The following RAB2A variants were observed in gnomAD, a reference collection of about 807,000 sequenced individuals.
RAB2A encodes the protein RAB2A, member RAS oncogene family.
RAB2A carries 7 observed loss-of-function variants against 32.5 expected under a neutral mutation model. The ratio of observed to expected loss-of-function variants is 0.22; its 90% CI spans 0.12 to 0.40. The LOEUF is 0.40. RAB2A is among the 10% of genes least tolerant of loss of function. RAB2A has a pLI of 1.00. For synonymous variants in RAB2A, 79 were observed against 85.2 expected (o/e 0.93, Z 0.40); for missense variants, 108 against 260.7 (o/e 0.41, Z 4.03).
chr8:60,546,451 C>G (rs1266462594), intron 1 of RAB2A, among the ~76,000 whole-genome samples: 1 of 152,114 alleles, frequency 6.6e-6, no homozygotes, highest in African/African-American at 2.4e-5. Context: ...AAACGAGTTG[C>G]TAGATCTCCA....
chr8:60,556,921 GGAT>G (rs1807948468), intron 1 of RAB2A, among the ~76,000 whole-genome samples: 1 of 152,020 alleles, frequency 6.6e-6, no homozygotes, highest in Admixed American at 6.6e-5. Context: ...AAAAAATTGG[GGAT>G]GTTAAATAAT....
chr8:60,612,169 C>T (rs1243317021), intron 6 of RAB2A, among the ~76,000 whole-genome samples: 2 of 152,136 alleles, frequency 1.3e-5, no homozygotes, highest in Non-Finnish European at 2.9e-5. Flanking sequence ...TGATGTTCCC[C>T]TCCCTGTGTC....
chr8:60,552,514 G>C (rs938528312), intron 1 of RAB2A: 1 of 152,074 alleles, frequency 6.6e-6, no homozygotes, highest in African/African-American at 2.4e-5. Flanking sequence ...TGATATGATG[G>C]ATTCATTGTT....
At chr8:60,534,688 A>G (rs909459946) in intron 1 of RAB2A, among the ~76,000 whole-genome samples, 1 of 152,198 alleles carries the variant, frequency 6.6e-6, no homozygotes, top group Non-Finnish European at 1.5e-5. Flanking sequence ...AAAATGTGGC[A>G]GTAAAGGGTT....
chr8:60,556,373 A>G (rs574019066), intron 1 of RAB2A, among the ~76,000 whole-genome samples: 26 of 152,372 alleles, frequency 1.7e-4, no homozygotes, highest in Admixed American at 1.4e-3. Context: ...TGTTACCAAC[A>G]TAACAAAAAA....
In RAB2A at chr8:60,597,461, G is replaced by A. The variant is rs185269164; in HGVS notation, c.474+5492G>A. Among the ~76,000 whole-genome samples, 56 of 152,242 alleles carry A rather than the reference G, an allele frequency of 3.7e-4. 2 individuals are homozygous for A. In the East Asian group the frequency reaches 0.01, roughly 28 times the overall value. On this transcript the variant is annotated intron_variant, in intron 6 of 7. Coordinates refer to ENST00000262646, the MANE Select transcript of RAB2A (RefSeq NM_002865.3). ...CCTGTTGGGGGGTGGGGGCCTAGGG[G>A]AAGGATAGCATTAGGAGAAATACCT...
chr8:60,601,640 T>TTATG (rs1469066279), intron 6 of RAB2A, among the ~76,000 whole-genome samples: 1 of 152,106 alleles, frequency 6.6e-6, no homozygotes, highest in East Asian at 1.9e-4. Flanking sequence ...GCCCAGCATA[T>TTATG]TATGCATAGA....
chr8:60,582,440 C>T (rs967884869), intron 3 of RAB2A, among the ~76,000 whole-genome samples: 5 of 152,198 alleles, frequency 3.3e-5, no homozygotes, highest in African/African-American at 1.2e-4. Flanking sequence ...CAGATGTCCA[C>T]TCAGCTATGT....
chr8:60,605,853 A>ATATATATATAT (rs201989396), intron 6 of RAB2A, among the ~76,000 whole-genome samples: 30 of 115,010 alleles, frequency 2.6e-4, no homozygotes, highest in South Asian at 6.4e-4. Context: ...ATATATATAT[A>ATATATATATAT]ATGCTTCATT....
intron 1 of RAB2A, among the ~76,000 whole-genome samples, chr8:60,521,096 C>G (rs906423335): frequency 1.3e-5 from 2 of 152,220 alleles, no homozygotes; most frequent in African/African-American, 2.4e-5. Flanking sequence ...ATTACAAGCA[C>G]AAGCCACAGC....
At chr8:60,561,654 A>T (rs937632002) in intron 2 of RAB2A, among the ~76,000 whole-genome samples, 2 of 152,142 alleles carry the variant, frequency 1.3e-5, no homozygotes, top group African/African-American at 4.8e-5. Context: ...GAGAGCAGAG[A>T]TTCTCTTTAA....
At chr8:60,597,119 C>T (rs1440878076) in intron 6 of RAB2A, among the ~76,000 whole-genome samples, 1 of 152,022 alleles carries the variant, frequency 6.6e-6, no homozygotes, top group Non-Finnish European at 1.5e-5. Context: ...TATTATAAAT[C>T]ATTCTATAAA....
intron 1 of RAB2A, among the ~76,000 whole-genome samples, chr8:60,522,570 A>G (rs1350838270): frequency 6.6e-6 from 1 of 152,204 alleles, no homozygotes; most frequent in Admixed American, 6.5e-5. Context: ...TGGTTTTACA[A>G]AAAGAGTTAT....
rs1293672767 is a variant in RAB2A, at chr8:60,549,340, C to T, written c.47-9512C>T. 2.6e-5 allele frequency among the ~76,000 whole-genome samples: 4 copies of T among 152,324 alleles called. No homozygotes were observed. In the South Asian group the frequency reaches 8.3e-4, roughly 32 times the overall value. ...CCGAGATCACGCCACTGCACTCCAG[C>T]CTGGGCACCATTGAGCACTGAGTGA... On this transcript the variant is annotated intron_variant, in intron 1 of 7. Transcript: ENST00000262646.
rs551665647 is a variant in RAB2A at position 60,524,079 on chromosome 8, G to T, written c.46+6826G>T. On this transcript the variant is annotated intron_variant, in intron 1 of 7. Coordinates refer to ENST00000262646, the MANE Select transcript of RAB2A (RefSeq NM_002865.3). ...TTTATACCGTGCCTGAGACTTTATA[G>T]TGAATCATAGAGGCTATTGTCCCTG... 5.3e-5 allele frequency among the ~76,000 whole-genome samples: 8 copies of T among 152,140 alleles called. No homozygotes were observed. In the South Asian group the frequency reaches 1.7e-3, roughly 32 times the overall value.
chr8:60,547,047 T>TCC (rs1300863943), intron 1 of RAB2A, among the ~76,000 whole-genome samples: 1 of 151,266 alleles, frequency 6.6e-6, no homozygotes, highest in Non-Finnish European at 1.5e-5. Flanking sequence ...CCTGCGGCCT[T>TCC]CCGCAGTGTT....
chr8:60,517,150 G>T lies in RAB2A; in HGVS notation c.-58G>T. The T allele has an allele frequency of 6.9e-7, 1 of 1,459,342 alleles. No individual in the cohort carries two copies. Among genetic ancestry groups the T allele is most frequent in the Non-Finnish European group, 9.1e-7 (1 of 1,100,462 alleles). The allele number at this position is 1,459,342 out of a possible 1,614,324, so 90.4% of individuals were successfully genotyped here. ...TGAGCGGCACCGGGGTTGGGGCGCG[G>T]AGGAGGAGCAGCAGCGGGAGGAGGA... On this transcript the variant is annotated 5_prime_UTR_variant, in exon 1 of 8. Transcript: ENST00000262646.
intron 1 of RAB2A, among the ~76,000 whole-genome samples, chr8:60,523,776 C>T (rs1363167192): frequency 1.3e-5 from 2 of 150,334 alleles, no homozygotes; most frequent in Non-Finnish European, 3.0e-5. Context: ...CTGCAAGCTC[C>T]GTCTCCCGGG....
At chr8:60,518,039 TC>T (rs11302273) in intron 1 of RAB2A, among the ~76,000 whole-genome samples, 22,620 of 152,008 alleles carry the variant, frequency 0.15, 1,836 homozygotes, top group East Asian at 0.26. Context: ...ATATGTCAAG[TC>T]CGGTGTCACA....
Sources: allele counts gnomAD v4.1 joint callset (sites outside exome capture counted in the v4.1 genomes callset), GRCh38; gene constraint gnomAD v4.1.1; transcripts MANE v1.5; gene names NCBI Gene and HGNC (gene_info 2026-07-23, HGNC 2026-07-21).